The following PABIR3 variants were observed in gnomAD, a reference collection of about 807,000 sequenced individuals.
PABIR3 encodes the protein PABIR family member 3, also known as PABIR family member 1.
In PABIR3, 20 loss-of-function variants were observed where a neutral mutation model predicts 23.1. The observed-to-expected ratio is 0.86, with a 90% CI of 0.61 to 1.26. The LOEUF is 1.26. Ranked by LOEUF, PABIR3 falls within the 50% of genes most tolerant of loss-of-function variation. The probability of loss-of-function intolerance (pLI) is 0.00; values close to 1 mark genes in which losing one functional copy is unlikely to be tolerated. For synonymous variants in PABIR3, 69 were observed against 68.5 expected (o/e 1.01, Z -0.04); for missense variants, 189 against 195.4 (o/e 0.97, Z 0.20).
chrX:134,798,691 C>T (rs1309019876), intron 1 of PABIR3, among the ~76,000 whole-genome samples: 1 of 111,812 alleles, frequency 8.9e-6, no homozygotes, highest in Non-Finnish European at 1.9e-5. Context: ...GGTCATTGTC[C>T]CAGATTGTGG....
intron 1 of PABIR3, among the ~76,000 whole-genome samples, chrX:134,797,598 G>A (rs1381394047): frequency 1.8e-5 from 2 of 111,471 alleles, no homozygotes; most frequent in Admixed American, 9.5e-5. Context: ...CAAAAGAGAA[G>A]TGGGAAAACA....
At chrX:134,853,827 T>A (rs2082716926) in intron 10 of PABIR3, among the ~76,000 whole-genome samples, 1 of 110,884 alleles carries the variant, frequency 9.0e-6, no homozygotes, top group Admixed American at 9.7e-5. Flanking sequence ...ACCTTATTGG[T>A]CAGGCCGGTC....
At chrX:134,846,094 C>T (rs2082423285) in intron 6 of PABIR3, among the ~76,000 whole-genome samples, 1 of 111,758 alleles carries the variant, frequency 8.9e-6, no homozygotes, top group African/African-American at 3.3e-5. Flanking sequence ...AGGAAACTTA[C>T]GATTATGGCA....
At chrX:134,807,126 G>A, upstream of PABIR3, 1 of 764,788 alleles carries the variant, frequency 1.3e-6, no homozygotes, top group Non-Finnish European at 1.5e-6. Flanking sequence ...TAAGGCGCCT[G>A]AAGTGACGTC....
At chrX:134,796,474 G>A, upstream of PABIR3, 2 of 319,690 alleles carry the variant, frequency 6.3e-6, no homozygotes, top group Non-Finnish European at 1.1e-5. Context: ...ACAGAATGAA[G>A]GAAAAGGATG....
chrX:134,807,658 C>T lies in PABIR3; in HGVS notation c.60C>T (p.Asp20=), dbSNP rs1398898585. The change falls in exon 2 of 11, where the codon GAC becomes GAT. Residue 20 remains aspartate (D), a synonymous_variant. Coordinates refer to ENST00000645433, the MANE Select transcript of PABIR3 (RefSeq NM_001388447.1). The part of the protein sequence containing the change: ...FKSLPSSTTA[D]GNILRRVNSA... ...CGCTGCCGAGTTCCACTACCGCAGA[C>T]GGCAACATTCTGAGAAGAGTCAACA... The T allele has an allele frequency of 8.3e-7, 1 of 1,206,353 alleles. No individual in the cohort carries two copies. The highest frequency in any genetic ancestry group is 3.0e-5 in the East Asian group (1 of 33,623).
chrX:134,852,801 T>C lies in PABIR3; in HGVS notation c.591T>C (p.Gly197=), dbSNP rs1185302193. 3.9e-5 allele frequency: 44 copies of C among 1,116,560 alleles called. No individual in the cohort carries two copies. Among genetic ancestry groups the C allele is most frequent in the Non-Finnish European group, 4.9e-5 (42 of 849,712 alleles). The allele number at this position is 1,116,560 out of a possible 1,213,427, so 92.0% of individuals were successfully genotyped here. ...CCTTGATCTGCTGTATTGTCATAGGTGAAATGGCATTTCAATATCAACCAA... is the reference window on the plus strand; with the variant it reads ...CCTTGATCTGCTGTATTGTCATAGGCGAAATGGCATTTCAATATCAACCAA... The part of the protein sequence containing the change: ...PSILGPLKRK[G]EMAFQYQPKK... The change falls in exon 10 of 11, where the codon GGT becomes GGC. Residue 197 remains glycine (G), a splice_region_variant and synonymous_variant. Transcript: ENST00000645433.
intron 4 of PABIR3, among the ~76,000 whole-genome samples, chrX:134,840,805 C>T (rs946712833): frequency 9.0e-6 from 1 of 110,499 alleles, no homozygotes; most frequent in Non-Finnish European, 1.9e-5. Context: ...TCAGTTTCAG[C>T]CAAGGTAGTC....
chrX:134,843,056 C>T (rs772496979), intron 4 of PABIR3, among the ~76,000 whole-genome samples: 4 of 107,975 alleles, frequency 3.7e-5, no homozygotes, highest in African/African-American at 6.8e-5. Flanking sequence ...AAAAATTAGC[C>T]GGGCCTGGTG....
At chrX:134,828,024 T>TCG (rs1302635604) in intron 3 of PABIR3, among the ~76,000 whole-genome samples, 4 of 58,804 alleles carry the variant, frequency 6.8e-5, no homozygotes, top group Non-Finnish European at 6.7e-5. Context: ...TCTCTCTCTC[T>TCG]CTCTCTCTCT....
chrX:134,837,823 G>A (rs181470057), intron 4 of PABIR3, among the ~76,000 whole-genome samples: 1 of 112,051 alleles, frequency 8.9e-6, no homozygotes, highest in Non-Finnish European at 1.9e-5. Context: ...TACCTGCTCT[G>A]TACTTGTTGA....
chrX:134,840,395 A>G (rs751956640), intron 4 of PABIR3, among the ~76,000 whole-genome samples: 1 of 111,354 alleles, frequency 9.0e-6, no homozygotes, highest in African/African-American at 3.3e-5. Context: ...CAAAAAAAAC[A>G]TCATTTTCAC....
chrX:134,860,098 A>T, the PABIR3 span, among the ~76,000 whole-genome samples: 197 of 104,245 alleles, frequency 1.9e-3, 2 homozygotes, highest in Non-Finnish European at 3.4e-3. Flanking sequence ...AAAACTTCAA[A>T]TTTTTTTTTT....
At chrX:134,823,889 A>G (rs2081397762) in intron 3 of PABIR3, among the ~76,000 whole-genome samples, 1 of 111,096 alleles carries the variant, frequency 9.0e-6, no homozygotes, top group African/African-American at 3.3e-5. Flanking sequence ...AAAAAGTCAC[A>G]GTATCTAATG....
intron 9 of PABIR3, among the ~76,000 whole-genome samples, chrX:134,852,474 AAATAAT>A (rs772647507): frequency 5.5e-5 from 6 of 108,659 alleles, no homozygotes; most frequent in African/African-American, 1.7e-4. Context: ...CTTCTTCACA[AAATAAT>A]AATAATAATA....
chrX:134,821,244 TAAAAAA>T, intron 3 of PABIR3: 31 of 568,447 alleles, frequency 5.5e-5, no homozygotes, highest in African/African-American at 7.4e-5. Flanking sequence ...CCAAGCATTG[TAAAAAA>T]AAAAAAAAAA....
chrX:134,819,856 A>G (rs1405418507), intron 3 of PABIR3, among the ~76,000 whole-genome samples: 2 of 111,529 alleles, frequency 1.8e-5, no homozygotes, highest in Admixed American at 9.6e-5. Flanking sequence ...CTGCACTCCA[A>G]CCTGGGTGAC....
chrX:134,845,279 A>C (rs761882334), intron 5 of PABIR3, 31 bp downstream of exon 5: 2 of 1,176,127 alleles, frequency 1.7e-6, no homozygotes, highest in East Asian at 6.0e-5. Context: ...TACTATTCTG[A>C]TAATTTGTAT....
chrX:134,839,339 C>T (rs760398428), intron 4 of PABIR3: 295 of 129,647 alleles, frequency 2.3e-3, no homozygotes, highest in Non-Finnish European at 3.8e-3. Flanking sequence ...CGCCTCTGCC[C>T]GGCCGCGACC....
Sources: gnomAD v4.1 joint callset for allele counts (sites outside exome capture counted in the v4.1 genomes callset) on GRCh38, gnomAD v4.1.1 for gene constraint, MANE v1.5 for transcripts, NCBI Gene and HGNC (gene_info 2026-07-23, HGNC 2026-07-21) for gene names.